The following BCAS1 variants were observed in gnomAD, a reference collection of about 807,000 sequenced individuals.
The protein encoded by BCAS1 is breast carcinoma-amplified sequence 1.
BCAS1 carries 46 observed loss-of-function variants against 65.4 expected under a neutral mutation model. The observed-to-expected ratio is 0.70, with a 90% CI of 0.55 to 0.90. BCAS1 has a LOEUF of 0.90. BCAS1 is among the 40% of genes least tolerant of loss of function. The probability of loss-of-function intolerance (pLI) is 0.00; values close to 1 mark genes in which losing one functional copy is unlikely to be tolerated. For missense variants in BCAS1, 793 were observed against 771.2 expected (o/e 1.03, Z -0.33); for synonymous variants, 298 against 293.5 (o/e 1.02, Z -0.16).
chr20:53,976,923 G>A (rs910463953), intron 8 of BCAS1, among the ~76,000 whole-genome samples: 1 of 152,196 alleles, frequency 6.6e-6, no homozygotes, highest in Non-Finnish European at 1.5e-5. Context: ...ATTAGCAGTA[G>A]TGTTACTGTA....
At chr20:54,032,469 TA>T (rs1453092242) in intron 3 of BCAS1, among the ~76,000 whole-genome samples, 1 of 151,258 alleles carries the variant, frequency 6.6e-6, no homozygotes, top group East Asian at 1.9e-4. Context: ...AATCGACACA[TA>T]GCAACACTAA....
At chr20:53,986,179 C>T (rs1466461378) in intron 7 of BCAS1, among the ~76,000 whole-genome samples, 3 of 152,136 alleles carry the variant, frequency 2.0e-5, no homozygotes, top group African/African-American at 7.2e-5. Context: ...TTCCTCTCTT[C>T]CTCTCTCTTC....
intron 3 of BCAS1, among the ~76,000 whole-genome samples, chr20:54,053,690 C>T (rs1346492830): frequency 6.6e-6 from 1 of 152,214 alleles, no homozygotes; most frequent in African/African-American, 2.4e-5. Flanking sequence ...CTTATTTAAA[C>T]CGTACAATAA....
intron 1 of BCAS1, among the ~76,000 whole-genome samples, chr20:54,064,416 G>C (rs2146364347): frequency 6.6e-6 from 1 of 152,338 alleles, no homozygotes; most frequent in Middle Eastern, 3.4e-3. Flanking sequence ...GGAGTCCACA[G>C]ACCACCATCA....
chr20:54,024,033 T>C (rs1042701480), intron 4 of BCAS1, among the ~76,000 whole-genome samples: 3 of 152,252 alleles, frequency 2.0e-5, no homozygotes, highest in African/African-American at 4.8e-5. Context: ...AAGTACTTTA[T>C]ATGGCCTATC....
chr20:54,054,391 A>T (rs1274282039), intron 3 of BCAS1, among the ~76,000 whole-genome samples: 1 of 152,380 alleles, frequency 6.6e-6, no homozygotes, highest in Non-Finnish European at 1.5e-5. Flanking sequence ...ACATATATGT[A>T]TACACCAATA....
chr20:54,058,547 C>T, intron 2 of BCAS1, 100 bp downstream of exon 2: 1 of 1,520,270 alleles, frequency 6.6e-7, no homozygotes. Flanking sequence ...CACAATCAAT[C>T]AGCAGCCAGG....
At chr20:53,995,139 G>T in intron 5 of BCAS1, 83 bp from the exon 6 acceptor site, 1 of 1,251,286 alleles carries the variant, frequency 8.0e-7, no homozygotes, top group Non-Finnish European at 1.2e-6. Flanking sequence ...ACTCTTTAGG[G>T]TGGTCCAGTT....
At chr20:54,048,155 G>C (rs555110330) in intron 3 of BCAS1, among the ~76,000 whole-genome samples, 9 of 152,236 alleles carry the variant, frequency 5.9e-5, no homozygotes, top group Non-Finnish European at 1.5e-5. Context: ...TTGAGTGAGA[G>C]ACATATAGCA....
At chr20:54,007,383 C>T (rs953353343) in intron 4 of BCAS1, among the ~76,000 whole-genome samples, 1 of 152,142 alleles carries the variant, frequency 6.6e-6, no homozygotes, top group Non-Finnish European at 1.5e-5. Flanking sequence ...CAGGATCTGC[C>T]ATGATGGACG....
At chr20:54,038,835 G>A (rs1359606794) in intron 3 of BCAS1, among the ~76,000 whole-genome samples, 2 of 151,174 alleles carry the variant, frequency 1.3e-5, no homozygotes, top group Admixed American at 6.6e-5. Flanking sequence ...AATTGCAAAG[G>A]GAAATTGTAC....
At chr20:54,017,327 G>C (rs1031880389) in intron 4 of BCAS1, among the ~76,000 whole-genome samples, 10 of 151,868 alleles carry the variant, frequency 6.6e-5, no homozygotes, top group Non-Finnish European at 1.2e-4. Flanking sequence ...TTTGCTTTGG[G>C]GATAGTCCTA....
At chr20:54,066,725 A>T (rs2092448749) in intron 1 of BCAS1, among the ~76,000 whole-genome samples, 1 of 152,212 alleles carries the variant, frequency 6.6e-6, no homozygotes, top group Non-Finnish European at 1.5e-5. Context: ...ATCGGCCAGA[A>T]CCTTGATCTT....
At chr20:54,052,809 CT>C (rs1174573363) in intron 3 of BCAS1, among the ~76,000 whole-genome samples, 1 of 152,170 alleles carries the variant, frequency 6.6e-6, no homozygotes, top group Non-Finnish European at 1.5e-5. Context: ...AAAATTTCTA[CT>C]TTTTATAAAT....
chr20:54,021,938 A>T lies in BCAS1; in HGVS notation c.723+6454T>A, dbSNP rs554060213. ...AATTACAACAAAAACTTTATCTCTA[A>T]AAAATGCTGACACAAAGACACAAAG... is the stretch of plus-strand genomic sequence containing the variant. On this transcript the variant is annotated intron_variant, in intron 4 of 12. Coordinates refer to ENST00000688948, the MANE Select transcript of BCAS1 (RefSeq NM_001366298.2). Among the ~76,000 whole-genome samples, 63 of 152,324 alleles carry T rather than the reference A, an allele frequency of 4.1e-4. No homozygotes were observed. In the South Asian group the frequency reaches 0.011, roughly 27 times the overall value.
chr20:54,025,980 TGAGG>T (rs2091664651), intron 4 of BCAS1, among the ~76,000 whole-genome samples: 2 of 152,220 alleles, frequency 1.3e-5, no homozygotes, highest in African/African-American at 4.8e-5. Context: ...GTTCACAGGC[TGAGG>T]GAGAAATGGC....
chr20:53,950,007 T>A (rs1450617308), intron 12 of BCAS1, among the ~76,000 whole-genome samples: 1 of 152,200 alleles, frequency 6.6e-6, no homozygotes, highest in Non-Finnish European at 1.5e-5. Flanking sequence ...TAGCTCCTAA[T>A]GACCTTCAAC....
intron 11 of BCAS1, among the ~76,000 whole-genome samples, chr20:53,954,113 A>G (rs929019945): frequency 2.6e-5 from 4 of 152,208 alleles, no homozygotes; most frequent in Non-Finnish European, 4.4e-5. Flanking sequence ...CAGCATAGCC[A>G]AATGCAGATA....
chr20:53,964,446 A>G (rs113854031), intron 10 of BCAS1, among the ~76,000 whole-genome samples: 4 of 152,362 alleles, frequency 2.6e-5, no homozygotes, highest in African/African-American at 9.6e-5. Context: ...AAATTCCAAC[A>G]ATCAGGATTT....
Sources: allele counts gnomAD v4.1 joint callset (sites outside exome capture counted in the v4.1 genomes callset), GRCh38; gene constraint gnomAD v4.1.1; transcripts MANE v1.5; gene names NCBI Gene and HGNC (gene_info 2026-07-23, HGNC 2026-07-21).